Variants in CDK14 observed in about 807,000 individuals in gnomAD.
CDK14 encodes cyclin-dependent kinase 14.
A neutral mutation model predicts 60.7 loss-of-function variants in CDK14; 34 were observed. The ratio of observed to expected loss-of-function variants is 0.56; its 90% CI spans 0.43 to 0.75. The LOEUF is 0.75. Among genes scored for constraint, CDK14 ranks in the 30% least tolerant of loss-of-function variants. The pLI, the probability that CDK14 is intolerant of heterozygous loss-of-function variation, is 0.00. For missense variants in CDK14, 482 were observed against 564.1 expected, an observed-to-expected ratio of 0.85 and a Z score of 1.47; for synonymous variants, 197 against 203.7, an observed-to-expected ratio of 0.97 and a Z score of 0.28.
intron 10 of CDK14, among the ~76,000 whole-genome samples, chr7:91,019,137 T>C (rs1223589776): frequency 1.3e-5 from 2 of 152,210 alleles, no homozygotes; most frequent in Non-Finnish European, 2.9e-5. Flanking sequence ...GAGCCTGGCA[T>C]ATAGTAAACT....
chr7:91,122,688 T>C (rs1219998738), intron 14 of CDK14, among the ~76,000 whole-genome samples: 2 of 152,236 alleles, frequency 1.3e-5, no homozygotes, highest in Non-Finnish European at 2.9e-5. Context: ...TTTCTGCTTA[T>C]TCATGGATTC....
intron 10 of CDK14, among the ~76,000 whole-genome samples, chr7:90,987,704 A>G (rs1421888396): frequency 1.3e-5 from 2 of 152,056 alleles, no homozygotes; most frequent in Non-Finnish European, 1.5e-5. Context: ...TAAACCCAGT[A>G]TGGTTAAATC....
chr7:90,904,535 T>C (rs1792629880), intron 7 of CDK14, among the ~76,000 whole-genome samples: 1 of 151,616 alleles, frequency 6.6e-6, no homozygotes, highest in Non-Finnish European at 1.5e-5. Context: ...GGAGACAAAA[T>C]TGAAGAAATT....
At chr7:90,685,398 G>A (rs1801411097) in intron 2 of CDK14, among the ~76,000 whole-genome samples, 1 of 152,004 alleles carries the variant, frequency 6.6e-6, no homozygotes, top group Non-Finnish European at 1.5e-5. Context: ...TAGTCTTCCA[G>A]TAAACATTAG....
intron 14 of CDK14, among the ~76,000 whole-genome samples, chr7:91,130,706 A>C (rs915354881): frequency 6.6e-6 from 1 of 152,150 alleles, no homozygotes; most frequent in Non-Finnish European, 1.5e-5. Context: ...GAAAATTACA[A>C]TAGAGCATCA....
At chr7:91,204,617 C>G (rs1463743285) in intron 14 of CDK14, among the ~76,000 whole-genome samples, 1 of 152,146 alleles carries the variant, frequency 6.6e-6, no homozygotes, top group African/African-American at 2.4e-5. Flanking sequence ...AGACATTTCT[C>G]CAAAGAAGAT....
intron 9 of CDK14, among the ~76,000 whole-genome samples, chr7:90,967,072 T>C (rs546163004): frequency 9.4e-5 from 14 of 149,236 alleles, no homozygotes; most frequent in Admixed American, 2.0e-4. Context: ...TTGAACGTCT[T>C]GATATTATGT....
intron 3 of CDK14, among the ~76,000 whole-genome samples, chr7:90,745,386 C>T (rs944491967): frequency 1.3e-5 from 2 of 152,086 alleles, no homozygotes; most frequent in Non-Finnish European, 2.9e-5. Flanking sequence ...TGTCTTTTTG[C>T]ACCGATTACA....
chr7:90,697,406 G>C (rs377178262), intron 2 of CDK14, among the ~76,000 whole-genome samples: 15 of 152,122 alleles, frequency 9.9e-5, no homozygotes, highest in African/African-American at 3.6e-4. Context: ...GTGTTGGCCA[G>C]CCTTGTCTTG....
At chr7:90,821,849 T>TA (rs367898397) in intron 5 of CDK14, among the ~76,000 whole-genome samples, 66 of 152,286 alleles carry the variant, frequency 4.3e-4, no homozygotes, top group African/African-American at 1.5e-3. Flanking sequence ...TCCAGTCCAT[T>TA]AAGGGTTACT....
intron 7 of CDK14, among the ~76,000 whole-genome samples, chr7:90,916,103 T>C (rs1434216686): frequency 2.0e-5 from 3 of 152,210 alleles, no homozygotes; most frequent in Admixed American, 1.3e-4. Flanking sequence ...CAAAGTGGCT[T>C]TATTTTTCCC....
chr7:90,946,312 A>G (rs1794097194), intron 8 of CDK14, among the ~76,000 whole-genome samples: 1 of 152,190 alleles, frequency 6.6e-6, no homozygotes. Flanking sequence ...TACATTAGCA[A>G]TGCCCAACTC....
At chr7:91,078,151 G>A (rs1469415787) in intron 11 of CDK14, among the ~76,000 whole-genome samples, 1 of 152,264 alleles carries the variant, frequency 6.6e-6, no homozygotes, top group Non-Finnish European at 1.5e-5. Context: ...CTATCCAACA[G>A]AAATGAAAGC....
intron 8 of CDK14, among the ~76,000 whole-genome samples, chr7:90,928,253 C>T (rs1793485204): frequency 6.6e-6 from 1 of 152,200 alleles, no homozygotes; most frequent in African/African-American, 2.4e-5. Context: ...CAGCTTTGTT[C>T]CATTGCTGGC....
intron 3 of CDK14, among the ~76,000 whole-genome samples, chr7:90,738,459 C>G (rs1803213331): frequency 6.6e-6 from 1 of 152,174 alleles, no homozygotes; most frequent in South Asian, 2.1e-4. Flanking sequence ...CATTGTTCAG[C>G]TGGAACATTA....
intron 10 of CDK14, among the ~76,000 whole-genome samples, chr7:91,028,953 A>G (rs918883090): frequency 2.8e-4 from 43 of 151,876 alleles, no homozygotes; most frequent in Non-Finnish European, 6.2e-4. Context: ...GAAGATTTTT[A>G]GTTTAATTAA....
chr7:90,933,102 G>A (rs1226517777), intron 8 of CDK14, among the ~76,000 whole-genome samples: 1 of 152,044 alleles, frequency 6.6e-6, no homozygotes, highest in Non-Finnish European at 1.5e-5. Flanking sequence ...CACTTTGGGC[G>A]ACTAAGGCAG....
At chr7:90,823,292 A>G (rs1007967358) in intron 5 of CDK14, among the ~76,000 whole-genome samples, 1 of 152,226 alleles carries the variant, frequency 6.6e-6, no homozygotes, top group African/African-American at 2.4e-5. Context: ...TATCTACTCT[A>G]TCTTCAGAAA....
At chr7:90,691,287 G>C (rs993123927) in intron 2 of CDK14, among the ~76,000 whole-genome samples, 5 of 143,314 alleles carry the variant, frequency 3.5e-5, no homozygotes, top group African/African-American at 1.3e-4. Context: ...TTGTTTGTAT[G>C]AGGGTGGTAA....
Sources: gnomAD v4.1 joint callset for allele counts (sites outside exome capture counted in the v4.1 genomes callset) on GRCh38, gnomAD v4.1.1 for gene constraint, MANE v1.5 for transcripts, NCBI Gene and HGNC (gene_info 2026-07-23, HGNC 2026-07-21) for gene names.